SLC44A5: variants seen among roughly 807,000 people sequenced by gnomAD.
The protein encoded by SLC44A5 is choline transporter-like protein 5.
SLC44A5 carries 57 observed loss-of-function variants against 101.8 expected under a neutral mutation model. That is an observed-to-expected ratio of 0.56 (90% confidence interval 0.45 to 0.70). SLC44A5 has a LOEUF of 0.70. SLC44A5 is among the 30% of genes least tolerant of loss of function. The pLI, the probability that SLC44A5 is intolerant of heterozygous loss-of-function variation, is 0.00. For missense variants in SLC44A5, 737 were observed against 853.1 expected, an observed-to-expected ratio of 0.86 and a Z score of 1.70; for synonymous variants, 281 against 290.9, an observed-to-expected ratio of 0.97 and a Z score of 0.35.
At chr1:75,208,047 T>G (rs1461090332) in intron 23 of SLC44A5, among the ~76,000 whole-genome samples, 1 of 152,174 alleles carries the variant, frequency 6.6e-6, no homozygotes, top group Non-Finnish European at 1.5e-5. Context: ...TTGCTGGCAA[T>G]TTGGATAAGC....
intron 2 of SLC44A5, among the ~76,000 whole-genome samples, chr1:75,426,806 C>T (rs1321481633): frequency 1.3e-5 from 2 of 152,204 alleles, no homozygotes; most frequent in African/African-American, 4.8e-5. Flanking sequence ...CACAAAGAAG[C>T]AGGGAGAGAA....
chr1:75,536,473 C>G (rs550660865), intron 2 of SLC44A5, among the ~76,000 whole-genome samples: 8 of 150,848 alleles, frequency 5.3e-5, no homozygotes, highest in Non-Finnish European at 1.0e-4. Flanking sequence ...TGGTGGCGGG[C>G]GCCTGTAGTC....
intron 2 of SLC44A5, among the ~76,000 whole-genome samples, chr1:75,443,297 TTAAAAA>T (rs1344654518): frequency 1.3e-5 from 2 of 151,610 alleles, no homozygotes; most frequent in African/African-American, 4.8e-5. Flanking sequence ...AAATTTAAAA[TTAAAAA>T]TAAGCAAAGC....
the SLC44A5 span, among the ~76,000 whole-genome samples, chr1:75,642,604 A>G: frequency 1.3e-5 from 2 of 152,144 alleles, no homozygotes; most frequent in Non-Finnish European, 2.9e-5. Flanking sequence ...GAAGAGAGAA[A>G]AATTTATATC....
chr1:75,663,495 C>A, the SLC44A5 span, among the ~76,000 whole-genome samples: 7 of 152,222 alleles, frequency 4.6e-5, no homozygotes, highest in Middle Eastern at 3.4e-3. Flanking sequence ...ACTAAGACAC[C>A]ATTTCAAGAA....
chr1:75,424,607 T>G (rs1017413453), intron 2 of SLC44A5, among the ~76,000 whole-genome samples: 4 of 152,192 alleles, frequency 2.6e-5, no homozygotes, highest in African/African-American at 9.7e-5. Flanking sequence ...TAACTTCTAA[T>G]AATAAAGTCC....
intron 1 of SLC44A5, among the ~76,000 whole-genome samples, chr1:75,592,880 T>C (rs985059493): frequency 1.3e-5 from 2 of 152,130 alleles, no homozygotes; most frequent in Admixed American, 6.6e-5. Flanking sequence ...CCTCAAACTA[T>C]GAAACTACTA....
intron 4 of SLC44A5, among the ~76,000 whole-genome samples, chr1:75,329,621 G>A (rs1321066385): frequency 6.6e-6 from 1 of 152,082 alleles, no homozygotes; most frequent in African/African-American, 2.4e-5. Flanking sequence ...CCACTAGAAT[G>A]AAGGAATAAA....
At chr1:75,446,808 T>C (rs1400029490) in intron 2 of SLC44A5, among the ~76,000 whole-genome samples, 2 of 152,200 alleles carry the variant, frequency 1.3e-5, no homozygotes, top group East Asian at 3.9e-4. Context: ...TATTAACATA[T>C]GGATCCTGTA....
At chr1:75,468,458 T>C (rs1047733174) in intron 2 of SLC44A5, among the ~76,000 whole-genome samples, 13 of 152,160 alleles carry the variant, frequency 8.5e-5, no homozygotes, top group Admixed American at 1.3e-4. Flanking sequence ...GAAAACATCA[T>C]ATTATACACC....
At chr1:75,565,979 T>TA (rs1672765533) in intron 1 of SLC44A5, among the ~76,000 whole-genome samples, 1 of 152,112 alleles carries the variant, frequency 6.6e-6, no homozygotes, top group African/African-American at 2.4e-5. Flanking sequence ...ATTCAAATGT[T>TA]AAAAAAGAAA....
chr1:75,623,739 C>G, the SLC44A5 span, among the ~76,000 whole-genome samples: 1 of 152,018 alleles, frequency 6.6e-6, no homozygotes, highest in Non-Finnish European at 1.5e-5. Flanking sequence ...AAAGTACCAG[C>G]CTGGTTCTTG....
In SLC44A5 at chr1:75,280,158, A is replaced by ATATATATTT. The variant is rs1652303570; in HGVS notation, c.176-5117_176-5116insAAATATATA. Among the ~76,000 whole-genome samples, 2 of 67,732 alleles carry ATATATATTT rather than the reference A, an allele frequency of 3.0e-5. 1 individual carries two copies. The highest frequency in any genetic ancestry group is 5.1e-5 in the Non-Finnish European group (2 of 39,032). 44.4% of individuals were successfully genotyped at this position (67,732 alleles called of 152,430 possible). A position where few individuals can be genotyped will look rare whatever the true frequency, so the allele number is the denominator to read the frequency against. On this transcript the variant is annotated intron_variant, in intron 5 of 23. Transcript: ENST00000370859. ...TATATATATATATATTGTATATATTATATATTGTATATATAATATATATTG... is the reference window on the plus strand; with the variant it reads ...TATATATATATATATTGTATATATTATATATATTTTATATTGTATATATAATATATATTG...
chr1:75,473,497 G>T (rs569736026), intron 2 of SLC44A5, among the ~76,000 whole-genome samples: 1 of 152,260 alleles, frequency 6.6e-6, no homozygotes, highest in South Asian at 2.1e-4. Context: ...AGGCGATGGG[G>T]TTTTGTTTGT....
chr1:75,610,689 A>T (rs1435120520), intron 1 of SLC44A5, among the ~76,000 whole-genome samples: 1 of 152,144 alleles, frequency 6.6e-6, no homozygotes, highest in Admixed American at 6.5e-5. Context: ...TAGAGATGTT[A>T]TCAACATCTC....
chr1:75,507,645 T>C (rs957863173), intron 2 of SLC44A5, among the ~76,000 whole-genome samples: 2 of 152,178 alleles, frequency 1.3e-5, no homozygotes, highest in African/African-American at 4.8e-5. Flanking sequence ...TCTCTGTACC[T>C]ATGGTAGAAT....
At chr1:75,371,768 A>AT (rs982094095) in intron 3 of SLC44A5, among the ~76,000 whole-genome samples, 2 of 152,258 alleles carry the variant, frequency 1.3e-5, no homozygotes, top group South Asian at 4.2e-4. Flanking sequence ...GAGATTATAT[A>AT]TTTTTTTATT....
At chr1:75,479,927 A>G (rs1667721104) in intron 2 of SLC44A5, among the ~76,000 whole-genome samples, 1 of 152,234 alleles carries the variant, frequency 6.6e-6, no homozygotes, top group Non-Finnish European at 1.5e-5. Flanking sequence ...CTGATACCAA[A>G]GCCGGGCAGA....
At chr1:75,383,511 G>A (rs1244610816) in intron 3 of SLC44A5, among the ~76,000 whole-genome samples, 12 of 152,116 alleles carry the variant, frequency 7.9e-5, no homozygotes, top group Non-Finnish European at 1.3e-4. Flanking sequence ...AGAGAAAAAA[G>A]AATAAAAAGA....
Sources: allele counts gnomAD v4.1 joint callset (sites outside exome capture counted in the v4.1 genomes callset), GRCh38; gene constraint gnomAD v4.1.1; transcripts MANE v1.5; gene names NCBI Gene and HGNC (gene_info 2026-07-23, HGNC 2026-07-21).